The following RBPJ variants were observed in gnomAD, a reference collection of about 807,000 sequenced individuals.
The protein encoded by RBPJ is recombination signal binding protein for immunoglobulin kappa J region.
RBPJ carries 9 observed loss-of-function variants against 67.8 expected under a neutral mutation model. That is an observed-to-expected ratio of 0.13 (90% confidence interval 0.08 to 0.23). RBPJ has a LOEUF of 0.23. Among genes scored for constraint, RBPJ ranks in the 10% least tolerant of loss-of-function variants. The pLI, the probability that RBPJ is intolerant of heterozygous loss-of-function variation, is 1.00. For synonymous variants in RBPJ, 198 were observed against 203.3 expected (o/e 0.97, Z 0.22); for missense variants, 305 against 595.6 (o/e 0.51, Z 5.08).
the RBPJ span, among the ~76,000 whole-genome samples, chr4:26,146,024 C>T: frequency 2.6e-5 from 4 of 152,174 alleles, no homozygotes; most frequent in South Asian, 2.1e-4. Context: ...ACAGCCTTGA[C>T]CTTCTGGGCT....
At chr4:26,343,989 G>A (rs1417878527) in intron 1 of RBPJ, among the ~76,000 whole-genome samples, 1 of 151,512 alleles carries the variant, frequency 6.6e-6, no homozygotes, top group Non-Finnish European at 1.5e-5. Flanking sequence ...GGCCTCAAGT[G>A]ATCCACCTGC....
chr4:26,293,480 T>C (rs904979386), intron 1 of RBPJ, among the ~76,000 whole-genome samples: 1 of 149,372 alleles, frequency 6.7e-6, no homozygotes, highest in Non-Finnish European at 1.5e-5. Context: ...CAAAAAATTT[T>C]TTTTAATTAG....
intron 1 of RBPJ, among the ~76,000 whole-genome samples, chr4:26,211,451 T>G (rs73245731): frequency 0.19 from 28,424 of 152,188 alleles, 2,890 homozygotes; most frequent in Middle Eastern, 0.27. Context: ...GATTGTTTAT[T>G]ATTTGCTCAT....
chr4:26,251,901 C>T (rs968913706), intron 1 of RBPJ, among the ~76,000 whole-genome samples: 5 of 150,576 alleles, frequency 3.3e-5, no homozygotes, highest in Non-Finnish European at 5.9e-5. Flanking sequence ...AAAGACTCAG[C>T]CGCAATGGAA....
intron 1 of RBPJ, among the ~76,000 whole-genome samples, chr4:26,371,751 A>G (rs1234579160): frequency 1.3e-5 from 2 of 152,246 alleles, no homozygotes; most frequent in Non-Finnish European, 2.9e-5. Context: ...TGAGAAATCA[A>G]TTACAGGTTA....
chr4:26,375,309 A>T (rs981437669), intron 1 of RBPJ, among the ~76,000 whole-genome samples: 1 of 150,266 alleles, frequency 6.7e-6, no homozygotes, highest in Non-Finnish European at 1.5e-5. Context: ...AAAAAAAAAA[A>T]GAATAATGTG....
chr4:26,207,463 A>T (rs1481574803), intron 1 of RBPJ, among the ~76,000 whole-genome samples: 1 of 152,108 alleles, frequency 6.6e-6, no homozygotes, highest in Non-Finnish European at 1.5e-5. Flanking sequence ...TGATGGATGG[A>T]TCGATTGTTC....
intron 1 of RBPJ, among the ~76,000 whole-genome samples, chr4:26,192,169 G>A (rs1005037371): frequency 1.1e-4 from 17 of 151,946 alleles, no homozygotes; most frequent in Admixed American, 2.0e-4. Flanking sequence ...CACCACGCCC[G>A]GCTACTTTTT....
chr4:26,175,823 A>AAAT (rs1178888095), intron 1 of RBPJ, among the ~76,000 whole-genome samples: 105 of 152,264 alleles, frequency 6.9e-4, no homozygotes, highest in African/African-American at 2.5e-3. Flanking sequence ...TCTTACTGTT[A>AAAT]TTGGGTAAAT....
chr4:26,161,115 A>G (rs1242510207), upstream of RBPJ, among the ~76,000 whole-genome samples: 2 of 152,252 alleles, frequency 1.3e-5, no homozygotes, highest in Admixed American at 1.3e-4. Flanking sequence ...ACATCGTGAC[A>G]GTTCCAAGCC....
Position 26,430,161 on chromosome 4 carries a change from AT to A in RBPJ, c.1044+110del, listed in dbSNP as rs1325363067. 8 of 1,302,966 alleles carry A rather than the reference AT, an allele frequency of 6.1e-6. No homozygotes were observed. Among genetic ancestry groups the A allele is most frequent in the African/African-American group, 5.8e-5 (4 of 68,798 alleles). The allele number at this position is 1,302,966 out of a possible 1,614,324, so 80.7% of individuals were successfully genotyped here. On this transcript the variant is annotated intron_variant, in intron 9 of 10. Transcript: ENST00000355476. The surrounding 1 kb of genome is among the most constrained non-coding windows in gnomAD (Gnocchi z 4.1). ...GTTTTGATTTTTCTCCAATCGTCTGATTAGGGGATTTTTATATACACCATTT... is the reference window on the plus strand; with the variant it reads ...GTTTTGATTTTTCTCCAATCGTCTGATAGGGGATTTTTATATACACCATTT...
At position 26,392,064 on chromosome 4, in the gene RBPJ, A is replaced by G. The variant is rs143431019; in HGVS notation, c.59+5673A>G. On this transcript the variant is annotated intron_variant, in intron 2 of 10. Coordinates refer to ENST00000355476, the MANE Select transcript of RBPJ (RefSeq NM_015874.6). ...TCCTCATGACCTCATCACCTCCCAG[A>G]TGCCCCACCTCCTATTAGGTTTCAA... 6.0e-3 allele frequency among the ~76,000 whole-genome samples: 911 copies of G among 152,284 alleles called. 12 individuals are homozygous for G. Among genetic ancestry groups the G allele is most frequent in the African/African-American group, 0.021 (871 of 41,556 alleles).
chr4:26,262,418 A>T (rs1310094976), intron 1 of RBPJ, among the ~76,000 whole-genome samples: 1 of 152,186 alleles, frequency 6.6e-6, no homozygotes, highest in African/African-American at 2.4e-5. Flanking sequence ...CTATTATGCA[A>T]GATTATCAGA....
upstream of RBPJ, chr4:26,320,780 C>T (rs767620458): frequency 5.8e-6 from 9 of 1,555,072 alleles, no homozygotes; most frequent in East Asian, 2.4e-5. Flanking sequence ...AGGGCTCGCC[C>T]GCGGAGGAGC....
chr4:26,272,766 G>T (rs560021833), intron 1 of RBPJ: 1 of 446,762 alleles, frequency 2.2e-6, no homozygotes, highest in Non-Finnish European at 4.5e-6. Flanking sequence ...CATGAGGTAG[G>T]TCTAACACCA....
chr4:26,376,280 C>T (rs1320399131), intron 1 of RBPJ, among the ~76,000 whole-genome samples: 2 of 152,196 alleles, frequency 1.3e-5, no homozygotes, highest in African/African-American at 2.4e-5. Context: ...AACAATAACT[C>T]TCCATTCTCC....
chr4:26,300,636 A>G lies in RBPJ; in HGVS notation c.-166-61810A>G, dbSNP rs112695927. Among the ~76,000 whole-genome samples, 189 of 152,286 alleles carry G rather than the reference A, an allele frequency of 1.2e-3. 1 individual carries two copies. The highest frequency in any genetic ancestry group is 4.4e-3 in the African/African-American group (183 of 41,566). On this transcript the variant is annotated intron_variant, in intron 1 of 4. Transcript: ENST00000512351. ...TCACTCCTGTTTAATTTTCTGGCATAACCTTTATCATTATTTAAAATGTCT... is the reference window on the plus strand; with the variant it reads ...TCACTCCTGTTTAATTTTCTGGCATGACCTTTATCATTATTTAAAATGTCT...
intron 4 of RBPJ, among the ~76,000 whole-genome samples, chr4:26,419,034 G>A (rs73121200): frequency 0.018 from 2,763 of 152,180 alleles, 94 homozygotes; most frequent in African/African-American, 0.063. Flanking sequence ...GCTGGAGTGC[G>A]GTGGTGGGAT....
At chr4:26,139,605 G>T in the RBPJ span, among the ~76,000 whole-genome samples, 2 of 152,242 alleles carry the variant, frequency 1.3e-5, no homozygotes, top group African/African-American at 4.8e-5. Flanking sequence ...GGCCTCTGCT[G>T]GGTTCTGGGC....
Sources: gnomAD v4.1 joint callset for allele counts (sites outside exome capture counted in the v4.1 genomes callset) on GRCh38, gnomAD v4.1.1 for gene constraint, Gnocchi (gnomAD v3.1) non-coding constraint, MANE v1.5 for transcripts, NCBI Gene and HGNC (gene_info 2026-07-23, HGNC 2026-07-21) for gene names.